The following CLN6 variants were observed in gnomAD, a reference collection of about 807,000 sequenced individuals.
The protein encoded by CLN6 is ceroid-lipofuscinosis neuronal protein 6.
In CLN6, 22 loss-of-function variants were observed where a neutral mutation model predicts 33.3. The observed-to-expected ratio is 0.66, with a 90% CI of 0.47 to 0.94. The LOEUF (loss-of-function observed/expected upper bound fraction) is 0.94, where lower values mean the gene tolerates loss of function less well. Among genes scored for constraint, CLN6 ranks in the 40% least tolerant of loss-of-function variants. CLN6 has a pLI of 0.00. For missense variants in CLN6, 387 were observed against 417.1 expected (o/e 0.93, Z 0.63); for synonymous variants, 201 against 174.6 (o/e 1.15, Z -1.19).
Position 68,208,097 on chromosome 15 carries a change from C to CCCCCCCCCCCCCCCCCA in CLN6, c.*42_*43insTGGGGGGGGGGGGGGGG. Reference sequence around the variant, plus strand: ...CTGTATTCAGATGCCCTCCATGGCCCACCCTCCCACCCAGCAGAGCGCCAG... The same window carrying CCCCCCCCCCCCCCCCCA: ...CTGTATTCAGATGCCCTCCATGGCCCCCCCCCCCCCCCCCCCAACCCTCCCACCCAGCAGAGCGCCAG... On this transcript the variant is annotated 3_prime_UTR_variant, in exon 7 of 7. Coordinates refer to ENST00000249806, the MANE Select transcript of CLN6 (RefSeq NM_017882.3). The surrounding 1 kb of genome is among the most constrained non-coding windows in gnomAD (Gnocchi z 5.8). The CCCCCCCCCCCCCCCCCA allele has an allele frequency of 7.6e-7, 1 of 1,320,504 alleles. No individual in the cohort carries two copies. The highest frequency in any genetic ancestry group is 1.1e-6 in the Non-Finnish European group (1 of 940,832). The allele number at this position is 1,320,504 out of a possible 1,614,324, so 81.8% of individuals were successfully genotyped here.
At chr15:68,225,940 AG>A (rs1344921632) in intron 1 of CLN6, among the ~76,000 whole-genome samples, 1 of 152,056 alleles carries the variant, frequency 6.6e-6, no homozygotes, top group African/African-American at 2.4e-5. Context: ...ACTGCACTCT[AG>A]CCTAGGGGAC....
chr15:68,222,665 G>A (rs775654816), intron 1 of CLN6, among the ~76,000 whole-genome samples: 24 of 152,344 alleles, frequency 1.6e-4, no homozygotes, highest in South Asian at 6.2e-4. Flanking sequence ...TGATGACGAT[G>A]GCAGTTTTGT....
intron 1 of CLN6, chr15:68,254,496 CTT>C (rs1424541505): frequency 4.4e-5 from 15 of 340,150 alleles, no homozygotes; most frequent in South Asian, 3.0e-4. Context: ...TCAAATGTCT[CTT>C]AATAAATTTT....
Position 68,211,521 on chromosome 15 carries a change from G to A in CLN6, c.486+154C>T, listed in dbSNP as rs1002328291. 4 of 1,589,354 alleles carry A rather than the reference G, an allele frequency of 2.5e-6. No homozygotes were observed. The highest frequency in any genetic ancestry group is 3.4e-6 in the Non-Finnish European group (4 of 1,172,890). On this transcript the variant is annotated intron_variant, in intron 4 of 6. Transcript: ENST00000249806. This position sits in a 1 kb window ranked among gnomAD's most constrained non-coding sequence, Gnocchi z 5.9. ...TGCACCACTTCCTAAGAACACTTGA[G>A]CATCCTAGCTTGGGGCAGGCGACAG...
At position 68,208,098 on chromosome 15, in the gene CLN6, A is replaced by ACCCCCCC; in HGVS notation, c.*41_*42insGGGGGGG. 2 of 448,454 alleles carry ACCCCCCC rather than the reference A, an allele frequency of 4.5e-6. No individual in the cohort carries two copies. The highest frequency in any genetic ancestry group is 3.6e-6 in the Non-Finnish European group (1 of 279,248). The allele number at this position is 448,454 out of a possible 1,614,324, so 27.8% of individuals were successfully genotyped here. A position where few individuals can be genotyped will look rare whatever the true frequency, so the allele number is the denominator to read the frequency against. ...TGTATTCAGATGCCCTCCATGGCCC[A>ACCCCCCC]CCCTCCCACCCAGCAGAGCGCCAGA... is the stretch of plus-strand genomic sequence containing the variant. On this transcript the variant is annotated 3_prime_UTR_variant, in exon 7 of 7. Transcript: ENST00000249806. The surrounding 1 kb of genome is among the most constrained non-coding windows in gnomAD (Gnocchi z 5.8).
intron 1 of CLN6, among the ~76,000 whole-genome samples, chr15:68,237,019 C>T (rs977801379): frequency 2.6e-5 from 4 of 150,972 alleles, no homozygotes; most frequent in East Asian, 3.9e-4. Context: ...TAGCCGGGCG[C>T]GGTGGCGGGC....
intron 1 of CLN6, among the ~76,000 whole-genome samples, chr15:68,222,468 C>T (rs12905670): frequency 0.43 from 58,245 of 135,580 alleles, 10,971 homozygotes; most frequent in Non-Finnish European, 0.5. Context: ...AGGTGAGGAG[C>T]GCCTCTGCCC....
chr15:68,229,279 G>A (rs1753883756), intron 1 of CLN6, among the ~76,000 whole-genome samples: 1 of 152,204 alleles, frequency 6.6e-6, no homozygotes, highest in South Asian at 2.1e-4. Flanking sequence ...GGCGAAGCGG[G>A]GAGGCCGAGC....
chr15:68,234,182 C>A (rs763594630), upstream of CLN6, among the ~76,000 whole-genome samples: 2 of 152,198 alleles, frequency 1.3e-5, no homozygotes, highest in South Asian at 2.1e-4. This position sits in a 1 kb window ranked among gnomAD's most constrained non-coding sequence, Gnocchi z 4.1. Flanking sequence ...CCATGTCATC[C>A]TTCTCTCTTT....
chr15:68,217,215 CA>C (rs35298702), intron 2 of CLN6, among the ~76,000 whole-genome samples: 5 of 152,232 alleles, frequency 3.3e-5, no homozygotes, highest in African/African-American at 1.2e-4. Context: ...TACTGCTTTC[CA>C]AAAAGGCTTT....
At chr15:68,231,419 G>A (rs2093268421), upstream of CLN6, among the ~76,000 whole-genome samples, 1 of 152,250 alleles carries the variant, frequency 6.6e-6, no homozygotes, top group Non-Finnish European at 1.5e-5. Flanking sequence ...GTGCCCAAGG[G>A]TCAGCCAAGG....
Position 68,227,022 on chromosome 15 carries a change from C to CTTTCT in CLN6, c.83+2475_83+2479dup, listed in dbSNP as rs541198877. Among the ~76,000 whole-genome samples the CTTTCT allele has an allele frequency of 2.0e-5, 3 of 151,650 alleles. No individual in the cohort carries two copies. Among genetic ancestry groups the CTTTCT allele is most frequent in the South Asian group, 2.1e-4 (1 of 4,812 alleles). ...TTTATCACGGGCACTAATTATAATACTTTCTTTTCTTTTCTTTTTTTACTT... is the reference window on the plus strand; with the variant it reads ...TTTATCACGGGCACTAATTATAATACTTTCTTTTCTTTTCTTTTCTTTTTTTACTT... On this transcript the variant is annotated intron_variant, in intron 1 of 6. Transcript: ENST00000249806. This position sits in a 1 kb window ranked among gnomAD's most constrained non-coding sequence, Gnocchi z 4.1.
chr15:68,256,324 G>C lies in CLN6; in HGVS notation c.179+366C>G, dbSNP rs1337545506. Among the ~76,000 whole-genome samples, 1 of 151,590 alleles carries C rather than the reference G, an allele frequency of 6.6e-6. No individual in the cohort carries two copies. Among genetic ancestry groups the C allele is most frequent in the African/African-American group, 2.4e-5 (1 of 41,292 alleles). On this transcript the variant is annotated intron_variant, in intron 1 of 6. Transcript: ENST00000538696. The surrounding 1 kb of genome is among the most constrained non-coding windows in gnomAD (Gnocchi z 4.1). ...GGGTTTCACTATGTTGGCCAGGCTGGTTGAGAACTCCTGACCTCAAGTGAT... is the reference window on the plus strand; with the variant it reads ...GGGTTTCACTATGTTGGCCAGGCTGCTTGAGAACTCCTGACCTCAAGTGAT...
At chr15:68,214,190 G>A (rs2093214034) in intron 3 of CLN6, 100 bp downstream of exon 3, 4 of 906,138 alleles carry the variant, frequency 4.4e-6, no homozygotes, top group Non-Finnish European at 7.3e-6. Context: ...GCAGCAGGCA[G>A]GAGCGTGCTT....
chr15:68,228,487 G>A lies in CLN6; in HGVS notation c.83+1015C>T, dbSNP rs751071374. 2.9e-4 allele frequency among the ~76,000 whole-genome samples: 44 copies of A among 152,084 alleles called. No homozygotes were observed. The highest frequency in any genetic ancestry group is 5.0e-4 in the Non-Finnish European group (34 of 68,008). ...CCTACCCCTAAGTTTTGCAATCTAG[G>A]TCCTCAACTCGAGTCCTAGACTTGC... On this transcript the variant is annotated intron_variant, in intron 1 of 6. Coordinates refer to ENST00000249806, the MANE Select transcript of CLN6 (RefSeq NM_017882.3). The surrounding 1 kb of genome is among the most constrained non-coding windows in gnomAD (Gnocchi z 4.4).
At chr15:68,222,790 C>A (rs2093241602) in intron 1 of CLN6, among the ~76,000 whole-genome samples, 1 of 152,216 alleles carries the variant, frequency 6.6e-6, no homozygotes, top group African/African-American at 2.4e-5. Context: ...AAGAAAAATT[C>A]TTCTGCCTTG....
rs755657693 is a variant in CLN6 at position 68,220,781 on chromosome 15, A to C, written c.84-2131T>G. On this transcript the variant is annotated intron_variant, in intron 1 of 6. Coordinates refer to ENST00000249806, the MANE Select transcript of CLN6 (RefSeq NM_017882.3). This position sits in a 1 kb window ranked among gnomAD's most constrained non-coding sequence, Gnocchi z 4.2. ...CGTCCTGAATAACACACACAATTCA[A>C]ACCTGGGTTTATGTTAATTCAAGAC... 1.3e-5 allele frequency among the ~76,000 whole-genome samples: 2 copies of C among 152,316 alleles called. No homozygotes were observed. The highest frequency in any genetic ancestry group is 2.9e-5 in the Non-Finnish European group (2 of 68,024).
intron 1 of CLN6, among the ~76,000 whole-genome samples, chr15:68,235,592 ATAT>A (rs1892212716): frequency 2.9e-5 from 3 of 104,322 alleles, no homozygotes; most frequent in Admixed American, 9.4e-5. Context: ...AAATAAATAT[ATAT>A]ATATATATAT....
rs190322714 is a variant in CLN6, at chr15:68,211,028, T to C, written c.542+235A>G. ...GAGGGCTGGGCGGGGGTGGCGATGC[T>C]GGGGGGATGCTGGCTGGAAGCCGGG... On this transcript the variant is annotated intron_variant, in intron 5 of 6. Transcript: ENST00000249806. This position sits in a 1 kb window ranked among gnomAD's most constrained non-coding sequence, Gnocchi z 5.9. Among the ~76,000 whole-genome samples, 1,066 of 152,204 alleles carry C rather than the reference T, an allele frequency of 7.0e-3. 6 individuals carry two copies. The highest frequency in any genetic ancestry group is 0.01 in the Non-Finnish European group (694 of 67,978).
Sources: allele counts gnomAD v4.1 joint callset (sites outside exome capture counted in the v4.1 genomes callset), GRCh38; gene constraint gnomAD v4.1.1; non-coding constraint Gnocchi (gnomAD v3.1); transcripts MANE v1.5; gene names NCBI Gene and HGNC (gene_info 2026-07-23, HGNC 2026-07-21).